CCDC102B: variants seen among roughly 807,000 people sequenced by gnomAD.
CCDC102B encodes coiled-coil domain containing 102B.
A neutral mutation model predicts 57.4 loss-of-function variants in CCDC102B; 75 were observed. The observed-to-expected ratio is 1.31, with a 90% CI of 1.08 to 1.58. The LOEUF is 1.58. Among genes scored for constraint, CCDC102B ranks in the 40% most tolerant of loss-of-function variants. The pLI is 0.00. For missense variants in CCDC102B, 636 were observed against 582.6 expected (o/e 1.09, Z -0.94); for synonymous variants, 206 against 201.9 (o/e 1.02, Z -0.17).
chr18:68,792,818 C>T (rs1385584541), intron 2 of CCDC102B, among the ~76,000 whole-genome samples: 1 of 151,918 alleles, frequency 6.6e-6, no homozygotes, highest in Non-Finnish European at 1.5e-5. Flanking sequence ...CTTAACTTTT[C>T]CTTTAGTTGA....
intron 7 of CCDC102B, among the ~76,000 whole-genome samples, chr18:69,019,246 A>T (rs750366636): frequency 3.4e-4 from 51 of 152,068 alleles, no homozygotes; most frequent in Non-Finnish European, 6.9e-4. Context: ...TCTGTGAAAA[A>T]TATCATTGGA....
At chr18:68,729,055 A>T (rs2032739442) in intron 2 of CCDC102B, among the ~76,000 whole-genome samples, 1 of 152,346 alleles carries the variant, frequency 6.6e-6, no homozygotes, top group Non-Finnish European at 1.5e-5. Context: ...ATTATGCAAT[A>T]ATACATTGTG....
chr18:68,914,218 C>T (rs970469268), intron 6 of CCDC102B, among the ~76,000 whole-genome samples: 3 of 152,170 alleles, frequency 2.0e-5, no homozygotes, highest in Non-Finnish European at 2.9e-5. Flanking sequence ...TTGAGACTCT[C>T]CCCATGTCTG....
At chr18:68,856,929 T>A (rs1229002398) in intron 4 of CCDC102B, among the ~76,000 whole-genome samples, 1 of 147,224 alleles carries the variant, frequency 6.8e-6, no homozygotes, top group Non-Finnish European at 1.5e-5. Context: ...CTCACACTTA[T>A]ACAGCATACA....
intron 6 of CCDC102B, among the ~76,000 whole-genome samples, chr18:68,905,960 A>AT (rs1240233545): frequency 6.6e-6 from 1 of 151,444 alleles, no homozygotes; most frequent in Non-Finnish European, 1.5e-5. Context: ...CGCCCGGCTA[A>AT]TTTTTTGTAT....
intron 2 of CCDC102B, among the ~76,000 whole-genome samples, chr18:68,747,165 C>T (rs1360586864): frequency 6.6e-6 from 1 of 152,012 alleles, no homozygotes; most frequent in Non-Finnish European, 1.5e-5. Flanking sequence ...TTGTAGAACA[C>T]TAGAACTCAT....
chr18:68,841,076 A>C (rs919516156), intron 3 of CCDC102B, among the ~76,000 whole-genome samples: 1 of 152,212 alleles, frequency 6.6e-6, no homozygotes, highest in Non-Finnish European at 1.5e-5. Context: ...TGCAATCCGC[A>C]TGAGGCAATC....
chr18:68,738,837 G>C (rs1179706395), intron 2 of CCDC102B, among the ~76,000 whole-genome samples: 1 of 152,028 alleles, frequency 6.6e-6, no homozygotes, highest in Non-Finnish European at 1.5e-5. Flanking sequence ...AGACCTCTCT[G>C]AATCCAATCT....
chr18:68,804,203 C>T (rs756884370), intron 1 of CCDC102B, among the ~76,000 whole-genome samples: 2 of 152,098 alleles, frequency 1.3e-5, no homozygotes, highest in Non-Finnish European at 2.9e-5. Flanking sequence ...AAGGGTAACC[C>T]CTAAGTTTGG....
intron 5 of CCDC102B, among the ~76,000 whole-genome samples, chr18:68,890,123 C>T (rs2040023083): frequency 6.6e-6 from 1 of 152,098 alleles, no homozygotes; most frequent in African/African-American, 2.4e-5. Context: ...GCTAATTCCT[C>T]ATTTACATTT....
intron 6 of CCDC102B, among the ~76,000 whole-genome samples, chr18:68,932,554 C>A (rs1353384669): frequency 6.6e-6 from 1 of 151,882 alleles, no homozygotes; most frequent in Non-Finnish European, 1.5e-5. Context: ...CTTAGATTAA[C>A]ATTCACTCCC....
chr18:69,057,141 C>G (rs149547478), downstream of CCDC102B, among the ~76,000 whole-genome samples: 386 of 152,166 alleles, frequency 2.5e-3, 2 homozygotes, highest in African/African-American at 8.1e-3. Context: ...TGCCTTTTCA[C>G]TGTCCACTTG....
Position 69,011,069 on chromosome 18 carries a change from G to A in CCDC102B, c.1399G>A (p.Glu467Lys), listed in dbSNP as rs371261206. 8 of 1,613,604 alleles carry A rather than the reference G, an allele frequency of 5.0e-6. No individual in the cohort carries two copies. The African/African-American group carries it at 9.3e-5, about 19-fold the overall frequency. The change falls in exon 7 of 8, where the codon GAA becomes AAA. Residue 467 changes from glutamate (E) to lysine (K), a missense_variant. Transcript: ENST00000360242. ...EVKKLRLRVE[E>K]LKQGLNQKED... ...AAAGAAACTAAGATTACGAGTGGAA[G>A]AACTAAAGCAGGGACTCAATCAAAA...
At chr18:68,755,956 G>A (rs2145256426) in intron 2 of CCDC102B, among the ~76,000 whole-genome samples, 1 of 151,564 alleles carries the variant, frequency 6.6e-6, no homozygotes, top group South Asian at 2.1e-4. Flanking sequence ...AGATAAAAGA[G>A]CTATTCAATC....
intron 2 of CCDC102B, among the ~76,000 whole-genome samples, chr18:68,775,653 ATTTTTTTT>A (rs369282225): frequency 2.6e-5 from 3 of 115,556 alleles, no homozygotes; most frequent in African/African-American, 1.0e-4. Context: ...TAACTCCTGG[ATTTTTTTT>A]TTTTTTTTTT....
At chr18:68,943,746 C>T (rs56078362) in intron 6 of CCDC102B, among the ~76,000 whole-genome samples, 1 of 151,982 alleles carries the variant, frequency 6.6e-6, no homozygotes, top group Non-Finnish European at 1.5e-5. Context: ...TTTAAGCCGG[C>T]GGCCAAAGAG....
chr18:68,822,013 G>C (rs1158212695), intron 1 of CCDC102B, among the ~76,000 whole-genome samples: 1 of 152,116 alleles, frequency 6.6e-6, no homozygotes, highest in East Asian at 1.9e-4. Context: ...CTTTGTTCTA[G>C]AAGCTTGTAA....
rs562398994 is a variant in CCDC102B, at chr18:68,799,598, A to T, written c.-16+1417A>T. On this transcript the variant is annotated intron_variant, in intron 1 of 7. Coordinates refer to ENST00000360242, the MANE Select transcript of CCDC102B (RefSeq NM_024781.3). Reference sequence around the variant, plus strand: ...ATTCTGCCATAATGCCAAAATATTCAGAAATTCCCTTTTTAGCAGGTATGT... The same window carrying T: ...ATTCTGCCATAATGCCAAAATATTCTGAAATTCCCTTTTTAGCAGGTATGT... 3.3e-5 allele frequency among the ~76,000 whole-genome samples: 5 copies of T among 152,298 alleles called. No homozygotes were observed. In the South Asian group the frequency reaches 1.0e-3, roughly 32 times the overall value.
intron 7 of CCDC102B, among the ~76,000 whole-genome samples, chr18:69,050,293 T>A (rs948799349): frequency 3.9e-5 from 6 of 152,170 alleles, no homozygotes; most frequent in Admixed American, 3.3e-4. Flanking sequence ...GTTGAAAACT[T>A]CTAAAACCTT....
Sources: gnomAD v4.1 joint callset for allele counts (sites outside exome capture counted in the v4.1 genomes callset) on GRCh38, gnomAD v4.1.1 for gene constraint, MANE v1.5 for transcripts, NCBI Gene and HGNC (gene_info 2026-07-23, HGNC 2026-07-21) for gene names.